The following AKAP7 variants were observed in gnomAD, a reference collection of about 807,000 sequenced individuals.
AKAP7 encodes A kinase (PRKA) anchor protein 7.
Under a neutral mutation model 39.5 loss-of-function variants are expected in AKAP7, and 39 were observed. That is an observed-to-expected ratio of 0.99 (90% CI 0.76 to 1.29). AKAP7 has a LOEUF of 1.29. Ranked by LOEUF, AKAP7 falls within the 50% of genes most tolerant of loss-of-function variation. The pLI is 0.00. For synonymous variants in AKAP7, 140 were observed against 139.1 expected (o/e 1.01, Z -0.05); for missense variants, 414 against 407.7 (o/e 1.02, Z -0.13).
intron 5 of AKAP7, chr6:131,185,362 C>A: frequency 1.9e-6 from 1 of 527,164 alleles, no homozygotes. Context: ...TCTGTGAGGC[C>A]AAGAAAGGCA....
chr6:131,233,950 G>C (rs1436655015), intron 7 of AKAP7, among the ~76,000 whole-genome samples: 1 of 152,180 alleles, frequency 6.6e-6, no homozygotes, highest in South Asian at 2.1e-4. Context: ...ATCCAATTCA[G>C]TTGCACCCTT....
In AKAP7 at chr6:131,189,943, A is replaced by G. The variant is rs573591853; in HGVS notation, c.590-9518A>G. On this transcript the variant is annotated intron_variant, in intron 5 of 7. Coordinates refer to ENST00000431975, the MANE Select transcript of AKAP7 (RefSeq NM_016377.4). ...CTGTGGTACTGGGAGGAATTAAGCA[A>G]TCTCAATTATTCATAAGCTTCTCTT... is the stretch of plus-strand genomic sequence containing the variant. Among the ~76,000 whole-genome samples the G allele has an allele frequency of 2.6e-5, 4 of 152,300 alleles. No individual in the cohort carries two copies. The South Asian group carries it at 8.3e-4, about 32-fold the overall frequency.
intron 7 of AKAP7, among the ~76,000 whole-genome samples, chr6:131,247,271 A>ATATG (rs1812078772): frequency 1.6e-4 from 1 of 6,378 alleles, no homozygotes; most frequent in Admixed American, 2.0e-3. Flanking sequence ...TTTCATATGT[A>ATATG]TATATATATA....
At chr6:131,278,729 G>C (rs577845335) in intron 7 of AKAP7, among the ~76,000 whole-genome samples, 1 of 152,252 alleles carries the variant, frequency 6.6e-6, no homozygotes, top group African/African-American at 2.4e-5. Flanking sequence ...ACTATCATGA[G>C]AACAGCAAGT....
At chr6:131,242,149 T>C in intron 7 of AKAP7, 1 of 984,894 alleles carries the variant, frequency 1.0e-6, no homozygotes, top group Non-Finnish European at 1.2e-6. Context: ...GAATTGTGGT[T>C]CTATTTGATC....
intron 6 of AKAP7, among the ~76,000 whole-genome samples, chr6:131,206,169 A>G (rs1808079110): frequency 6.6e-6 from 1 of 152,210 alleles, no homozygotes; most frequent in Non-Finnish European, 1.5e-5. Flanking sequence ...TGATCGCCTA[A>G]TGTATAGATC....
At chr6:131,154,279 A>G (rs1802214747) in intron 2 of AKAP7, among the ~76,000 whole-genome samples, 1 of 152,110 alleles carries the variant, frequency 6.6e-6, no homozygotes, top group Non-Finnish European at 1.5e-5. Context: ...GATGCTTGCA[A>G]TTTGGGAAAA....
intron 5 of AKAP7, among the ~76,000 whole-genome samples, chr6:131,185,691 T>G (rs913772922): frequency 6.6e-6 from 1 of 152,258 alleles, no homozygotes; most frequent in African/African-American, 2.4e-5. Flanking sequence ...TGTTGTTGAT[T>G]TGAAGGAGTT....
intron 4 of AKAP7, among the ~76,000 whole-genome samples, chr6:131,168,790 G>T (rs1803750637): frequency 6.6e-6 from 1 of 152,030 alleles, no homozygotes. Flanking sequence ...AGTTTTTTGG[G>T]ATATATTTTC....
chr6:131,149,451 A>G (rs1006609211), intron 2 of AKAP7, among the ~76,000 whole-genome samples: 7 of 152,164 alleles, frequency 4.6e-5, no homozygotes, highest in Non-Finnish European at 1.0e-4. Context: ...CCTGGCCAAC[A>G]TGGTGAAATC....
Position 131,281,437 on chromosome 6 carries a change from T to C in AKAP7, c.851-93T>C. On this transcript the variant is annotated intron_variant, in intron 7 of 7. Coordinates refer to ENST00000431975, the MANE Select transcript of AKAP7 (RefSeq NM_016377.4). This position sits in a 1 kb window ranked among gnomAD's most constrained non-coding sequence, Gnocchi z 4.0. ...ATTTATAGATCCAATTTACACTTGC[T>C]CTTTTTAACCAATGGAACTAGCCGG... The C allele has an allele frequency of 9.7e-7, 1 of 1,031,378 alleles. No homozygotes were observed. The highest frequency in any genetic ancestry group is 1.4e-6 in the Non-Finnish European group (1 of 728,048). The allele number at this position is 1,031,378 out of a possible 1,614,324, so 63.9% of individuals were successfully genotyped here.
chr6:131,147,200 A>G (rs937586886), intron 2 of AKAP7, among the ~76,000 whole-genome samples: 8 of 152,206 alleles, frequency 5.3e-5, no homozygotes, highest in Non-Finnish European at 1.2e-4. Flanking sequence ...CAACCTTTGC[A>G]TCCTGCCAGG....
intron 7 of AKAP7, among the ~76,000 whole-genome samples, chr6:131,240,239 A>G (rs1292841144): frequency 6.6e-6 from 1 of 152,170 alleles, no homozygotes; most frequent in Admixed American, 6.5e-5. Flanking sequence ...GTGAACAGCA[A>G]ATGTTGCTGT....
At chr6:131,241,593 G>GTT in intron 7 of AKAP7, among the ~76,000 whole-genome samples, 1 of 64,594 alleles carries the variant, frequency 1.5e-5, no homozygotes, top group African/African-American at 5.4e-5. Flanking sequence ...GTGTGTGTGT[G>GTT]TGTGTGTGTG....
At chr6:131,198,444 G>A (rs1807174748) in intron 5 of AKAP7, among the ~76,000 whole-genome samples, 1 of 152,090 alleles carries the variant, frequency 6.6e-6, no homozygotes, top group Non-Finnish European at 1.5e-5. Flanking sequence ...ATATCCTTGG[G>A]CATTGTTCTG....
intron 6 of AKAP7, among the ~76,000 whole-genome samples, chr6:131,203,270 GCTAT>G (rs1470248473): frequency 2.0e-5 from 3 of 152,050 alleles, no homozygotes; most frequent in African/African-American, 4.8e-5. Context: ...TACATTTCCA[GCTAT>G]CTATTTTCTT....
chr6:131,136,964 G>A (rs1490654715), intron 1 of AKAP7: 13 of 671,398 alleles, frequency 1.9e-5, no homozygotes, highest in Non-Finnish European at 2.4e-5. Context: ...ATGTATATAT[G>A]TATATATGTA....
At chr6:131,205,611 AG>A (rs1808022526) in intron 6 of AKAP7, among the ~76,000 whole-genome samples, 1 of 152,234 alleles carries the variant, frequency 6.6e-6, no homozygotes, top group Non-Finnish European at 1.5e-5. Flanking sequence ...CTTCTGTGAC[AG>A]CATGATATTC....
rs542162544 is a variant in AKAP7 at position 131,194,827 on chromosome 6, G to A, written c.590-4634G>A. Among the ~76,000 whole-genome samples, 16 of 152,148 alleles carry A rather than the reference G, an allele frequency of 1.1e-4. No homozygotes were observed. In the South Asian group the frequency reaches 3.1e-3, roughly 30 times the overall value. ...CTTCTTACAGTTTTTGTCTTGAAATGTATTTTCTCTGATAGAATCATATGC... is the reference window on the plus strand; with the variant it reads ...CTTCTTACAGTTTTTGTCTTGAAATATATTTTCTCTGATAGAATCATATGC... On this transcript the variant is annotated intron_variant, in intron 5 of 7. Transcript: ENST00000431975.
Sources: allele counts gnomAD v4.1 joint callset (sites outside exome capture counted in the v4.1 genomes callset), GRCh38; gene constraint gnomAD v4.1.1; non-coding constraint Gnocchi (gnomAD v3.1); transcripts MANE v1.5; gene names NCBI Gene and HGNC (gene_info 2026-07-23, HGNC 2026-07-21).